CLPTM1L: variants seen among roughly 807,000 people sequenced by gnomAD.
The protein encoded by CLPTM1L is lipid scramblase CLPTM1L.
Under a neutral mutation model 70.9 loss-of-function variants are expected in CLPTM1L, and 38 were observed. That is an observed-to-expected ratio of 0.54 (90% CI 0.41 to 0.70). The LOEUF is 0.70. Ranked by LOEUF, CLPTM1L falls within the 30% of genes least tolerant of loss-of-function variation. The probability of loss-of-function intolerance (pLI) is 0.00; values close to 1 mark genes in which losing one functional copy is unlikely to be tolerated. For synonymous variants in CLPTM1L, 339 were observed against 299.9 expected (o/e 1.13, Z -1.35); for missense variants, 652 against 705.9 (o/e 0.92, Z 0.87).
chr5:1,325,209 A>C (rs2126726583), intron 10 of CLPTM1L: 5 of 266,984 alleles, frequency 1.9e-5, no homozygotes, highest in East Asian at 7.9e-5. Flanking sequence ...GGGCTTCCTG[A>C]CCCCCCTGCC....
intron 4 of CLPTM1L, 86 bp from the exon 5 acceptor site, chr5:1,338,068 C>T: frequency 9.1e-7 from 1 of 1,104,232 alleles, no homozygotes; most frequent in South Asian, 1.3e-5. Flanking sequence ...GGGTTTACCC[C>T]AGAGAAGTGC....
intron 3 of CLPTM1L, among the ~76,000 whole-genome samples, chr5:1,340,728 T>C (rs1182926731): frequency 6.6e-6 from 1 of 152,194 alleles, no homozygotes; most frequent in Non-Finnish European, 1.5e-5. Flanking sequence ...AGACCTCTCT[T>C]TCTCTCTGTC....
chr5:1,342,052 G>T lies in CLPTM1L; in HGVS notation c.264-192C>A, dbSNP rs536549873. Reference sequence around the variant, plus strand: ...TGTGTGTGTGTGTGCACGCGCACGCGTGCGCGTCCTGAGAACTCGGCACAG... The same window carrying T: ...TGTGTGTGTGTGTGCACGCGCACGCTTGCGCGTCCTGAGAACTCGGCACAG... On this transcript the variant is annotated intron_variant, in intron 2 of 16. Transcript: ENST00000320895. This position sits in a 1 kb window ranked among gnomAD's most constrained non-coding sequence, Gnocchi z 4.3. Among the ~76,000 whole-genome samples, 1 of 149,330 alleles carries T rather than the reference G, an allele frequency of 6.7e-6. No homozygotes were observed. Among genetic ancestry groups the T allele is most frequent in the East Asian group, 1.9e-4 (1 of 5,162 alleles).
Position 1,325,833 on chromosome 5 carries a change from G to C in CLPTM1L, c.1081-17C>G. ...TTTCCACAGCTGAGGGGAGAAATCAGGAAATAGTTCCTTTAATATTCGAAG... is the reference window on the plus strand; with the variant it reads ...TTTCCACAGCTGAGGGGAGAAATCACGAAATAGTTCCTTTAATATTCGAAG... On this transcript the variant is annotated splice_polypyrimidine_tract_variant and intron_variant, in intron 9 of 16. Coordinates refer to ENST00000320895, the MANE Select transcript of CLPTM1L (RefSeq NM_030782.5). 3.1e-6 allele frequency: 5 copies of C among 1,611,766 alleles called. No homozygotes were observed. Among genetic ancestry groups the C allele is most frequent in the Non-Finnish European group, 4.2e-6 (5 of 1,178,124 alleles).
intron 9 of CLPTM1L, among the ~76,000 whole-genome samples, chr5:1,329,594 ACT>A (rs1311753554): frequency 8.2e-6 from 1 of 122,268 alleles, no homozygotes; most frequent in Non-Finnish European, 1.7e-5. Flanking sequence ...GGGCCTCAGG[ACT>A]CTCTGCCTGG....
intron 3 of CLPTM1L, among the ~76,000 whole-genome samples, chr5:1,340,175 G>C (rs1753851540): frequency 6.6e-6 from 1 of 152,234 alleles, no homozygotes; most frequent in African/African-American, 2.4e-5. Context: ...CTCAAACTAA[G>C]TGGGCCCACT....
At chr5:1,338,743 G>T (rs1277517535) in intron 4 of CLPTM1L, 117 bp downstream of exon 4, 2 of 1,208,714 alleles carry the variant, frequency 1.7e-6, no homozygotes, top group African/African-American at 3.0e-5. Flanking sequence ...GGCCCGGGCA[G>T]CAAGTGCCTC....
chr5:1,333,653 T>G (rs796336254), intron 7 of CLPTM1L, among the ~76,000 whole-genome samples: 58 of 73,604 alleles, frequency 7.9e-4, no homozygotes, highest in Middle Eastern at 0.02. Context: ...GACTACTGTA[T>G]ACACACCGGC....
At chr5:1,333,315 G>C (rs2447855) in intron 7 of CLPTM1L, among the ~76,000 whole-genome samples, 5 of 129,078 alleles carry the variant, frequency 3.9e-5, no homozygotes, top group South Asian at 2.5e-4. Flanking sequence ...GTATACACAC[G>C]GGATGAGGAT....
At chr5:1,333,213 T>C (rs1579641335) in intron 7 of CLPTM1L, among the ~76,000 whole-genome samples, 1 of 28,622 alleles carries the variant, frequency 3.5e-5, no homozygotes, top group Non-Finnish European at 5.4e-5. Context: ...GGGACTACTG[T>C]AGACACACCG....
intron 9 of CLPTM1L, among the ~76,000 whole-genome samples, chr5:1,328,888 T>C (rs1372332331): frequency 1.0e-4 from 15 of 150,462 alleles, no homozygotes; most frequent in African/African-American, 2.7e-4. Context: ...ACACATTCCA[T>C]CCAGCTCCTC....
chr5:1,344,948 G>T lies in CLPTM1L; in HGVS notation c.-107C>A. 1.6e-6 allele frequency: 1 copy of T among 616,090 alleles called. No individual in the cohort carries two copies. Among genetic ancestry groups the T allele is most frequent in the Non-Finnish European group, 2.0e-6 (1 of 494,006 alleles). 38.2% of individuals were successfully genotyped at this position (616,090 alleles called of 1,614,324 possible). ...GGGCTCCGCCGCTCACTGGAGAGCC[G>T]CCGCGCGCCACCGCCACCGCCGCGG... On this transcript the variant is annotated 5_prime_UTR_variant, in exon 1 of 17. Coordinates refer to ENST00000320895, the MANE Select transcript of CLPTM1L (RefSeq NM_030782.5).
At chr5:1,324,148 ACAG>A (rs1752360611) in intron 11 of CLPTM1L, 1 of 467,046 alleles carries the variant, frequency 2.1e-6, no homozygotes, top group South Asian at 4.5e-5. Context: ...CCAACCCACA[ACAG>A]ATCAATAAAC....
intron 5 of CLPTM1L, among the ~76,000 whole-genome samples, chr5:1,337,078 C>G (rs952174625): frequency 1.3e-5 from 2 of 152,284 alleles, no homozygotes; most frequent in East Asian, 3.9e-4. Flanking sequence ...GTGGGTGATC[C>G]GGAGTGACAG....
At position 1,345,030 on chromosome 5, in the gene CLPTM1L, G is replaced by C. The variant is rs1303645196; in HGVS notation, c.-189C>G. On this transcript the variant is annotated 5_prime_UTR_variant, in exon 1 of 17. Coordinates refer to ENST00000320895, the MANE Select transcript of CLPTM1L (RefSeq NM_030782.5). Reference sequence around the variant, plus strand: ...CGGCCGCCCCGCATGCTCCGGCCCCGCTCCCACCTGGCGCCGCGGGATTCG... The same window carrying C: ...CGGCCGCCCCGCATGCTCCGGCCCCCCTCCCACCTGGCGCCGCGGGATTCG... 7 of 182,492 alleles carry C rather than the reference G, an allele frequency of 3.8e-5. No homozygotes were observed. The Admixed American group carries it at 4.7e-4, about 12-fold the overall frequency. 11.3% of individuals were successfully genotyped at this position (182,492 alleles called of 1,614,324 possible).
intron 3 of CLPTM1L, among the ~76,000 whole-genome samples, chr5:1,340,702 C>G (rs1266305303): frequency 6.6e-6 from 1 of 152,170 alleles, no homozygotes; most frequent in Admixed American, 6.5e-5. Context: ...GCTTTCAAAA[C>G]CCCATCAACT....
intron 3 of CLPTM1L, 80 bp downstream of exon 3, chr5:1,341,591 C>A: frequency 7.8e-7 from 1 of 1,274,210 alleles, no homozygotes; most frequent in East Asian, 2.4e-5. Flanking sequence ...CCCTAGACAT[C>A]GCCCACCTGT....
At chr5:1,325,475 T>C (rs421284) in intron 10 of CLPTM1L, 213,863 of 509,126 alleles carry the variant, frequency 0.42, 48,297 homozygotes, top group African/African-American at 0.59. Context: ...GAAGCACACG[T>C]GCTGGCCAGC....
Position 1,318,397 on chromosome 5 carries a change from T to G in CLPTM1L, c.1589A>C (p.Lys530Thr), listed in dbSNP as rs372723069. Reference protein sequence around the residue: ...VNEFGESYEEKATRAPHTD With the variant: ...VNEFGESYEETATRAPHTD Reference sequence around the variant, plus strand: ...GTCCGTGTGGGGCGCCCGCGTGGCCTTCTCCTCGTAGGACTCCCCAAACTC... The same window carrying G: ...GTCCGTGTGGGGCGCCCGCGTGGCCGTCTCCTCGTAGGACTCCCCAAACTC... Residue 530 changes from lysine (K) to threonine (T), a missense_variant, in exon 17 of 17, where the codon AAG (lysine) becomes ACG (threonine). This residue lies in a region of CLPTM1L where 240 missense variants were observed against 295.0 expected (regional missense o/e 0.81). Coordinates refer to ENST00000320895, the MANE Select transcript of CLPTM1L (RefSeq NM_030782.5). The surrounding 1 kb of genome is among the most constrained non-coding windows in gnomAD (Gnocchi z 8.9). 2 of 1,613,842 alleles carry G rather than the reference T, an allele frequency of 1.2e-6. No individual in the cohort carries two copies.
Sources: gnomAD v4.1 joint callset for allele counts (sites outside exome capture counted in the v4.1 genomes callset) on GRCh38, gnomAD v4.1.1 for gene constraint, gnomAD v4.1.1 regional missense constraint, Gnocchi (gnomAD v3.1) non-coding constraint, MANE v1.5 for transcripts, NCBI Gene and HGNC (gene_info 2026-07-23, HGNC 2026-07-21) for gene names.